The following PPP2R2C variants were observed in gnomAD, a reference collection of about 807,000 sequenced individuals.
The protein encoded by PPP2R2C is protein phosphatase 2 regulatory subunit Bgamma.
In PPP2R2C, 10 loss-of-function variants were observed where a neutral mutation model predicts 45.3. The ratio of observed to expected loss-of-function variants is 0.22; its 90% CI spans 0.14 to 0.37. The LOEUF (loss-of-function observed/expected upper bound fraction) is 0.37, where lower values mean the gene tolerates loss of function less well. Among genes scored for constraint, PPP2R2C ranks in the 10% least tolerant of loss-of-function variants. The probability of loss-of-function intolerance (pLI) is 1.00; values close to 1 mark genes in which losing one functional copy is unlikely to be tolerated. For synonymous variants in PPP2R2C, 257 were observed against 245.4 expected (o/e 1.05, Z -0.44); for missense variants, 308 against 619.7 (o/e 0.50, Z 5.34).
rs143193159 is a variant in PPP2R2C, at chr4:6,350,924, C to T, written c.626-2914G>A. The T allele has an allele frequency of 5.5e-5, 54 of 985,332 alleles. 1 individual carries two copies. The Middle Eastern group carries it at 5.2e-3, about 95-fold the overall frequency. The allele number at this position is 985,332 out of a possible 1,614,324, so 61.0% of individuals were successfully genotyped here. Reference sequence around the variant, plus strand: ...TGGAGACCTTCAGGTTGTTTGCTACCACTGCAAAACGTGAGCCCCCTGACA... The same window carrying T: ...TGGAGACCTTCAGGTTGTTTGCTACTACTGCAAAACGTGAGCCCCCTGACA... On this transcript the variant is annotated intron_variant, in intron 5 of 8. Coordinates refer to ENST00000382599, the MANE Select transcript of PPP2R2C (RefSeq NM_020416.4).
chr4:6,359,263 C>T (rs1713513427), intron 5 of PPP2R2C, among the ~76,000 whole-genome samples: 1 of 152,208 alleles, frequency 6.6e-6, no homozygotes, highest in African/African-American at 2.4e-5. Context: ...TCAAACTCCA[C>T]ATGTTCTCAC....
intron 8 of PPP2R2C, 91 bp from the exon 9 acceptor site, chr4:6,323,684 C>T (rs1731712309): frequency 3.7e-6 from 5 of 1,338,212 alleles, no homozygotes; most frequent in Non-Finnish European, 4.9e-6. Flanking sequence ...GCCCATAATC[C>T]CAGGACTTTG....
intron 1 of PPP2R2C, among the ~76,000 whole-genome samples, chr4:6,391,181 G>A (rs1237310844): frequency 1.3e-5 from 2 of 152,096 alleles, no homozygotes; most frequent in African/African-American, 4.8e-5. Flanking sequence ...TGCCTGTCAG[G>A]GCTCTGCCGC....
chr4:6,436,815 T>C (rs1395264751), intron 1 of PPP2R2C, among the ~76,000 whole-genome samples: 1 of 152,206 alleles, frequency 6.6e-6, no homozygotes, highest in South Asian at 2.1e-4. Context: ...ATTTAAACTT[T>C]ATTCACAAAA....
chr4:6,433,161 T>C (rs1309871002), intron 1 of PPP2R2C, among the ~76,000 whole-genome samples: 1 of 152,136 alleles, frequency 6.6e-6, no homozygotes, highest in East Asian at 1.9e-4. Context: ...TCAAAAGTTG[T>C]ATGTGGGTTT....
chr4:6,534,534 TAC>T (rs940162611), intron 2 of PPP2R2C, among the ~76,000 whole-genome samples: 2 of 148,402 alleles, frequency 1.3e-5, no homozygotes, highest in Admixed American at 6.6e-5. Context: ...AACACATCAA[TAC>T]ACACACCCCA....
intron 1 of PPP2R2C, chr4:6,382,115 T>A: frequency 1.5e-6 from 2 of 1,295,536 alleles, no homozygotes; most frequent in Non-Finnish European, 2.0e-6. Context: ...TTGAAGTCAT[T>A]CTTAATATTT....
intron 2 of PPP2R2C, among the ~76,000 whole-genome samples, chr4:6,528,180 C>A (rs772768275): frequency 7.9e-5 from 12 of 152,256 alleles, no homozygotes. Context: ...AGTCCTCGGC[C>A]CCTGCCCGGG....
intron 1 of PPP2R2C, among the ~76,000 whole-genome samples, chr4:6,400,232 A>G (rs997124587): frequency 6.6e-6 from 1 of 152,296 alleles, no homozygotes; most frequent in South Asian, 2.1e-4. Context: ...ATGTATCACA[A>G]CAGACTGAAT....
At chr4:6,483,906 A>C (rs1722450981) in intron 2 of PPP2R2C, among the ~76,000 whole-genome samples, 1 of 152,070 alleles carries the variant, frequency 6.6e-6, no homozygotes, top group Admixed American at 6.5e-5. Flanking sequence ...GGGATTGGTA[A>C]ACTACAGCTT....
chr4:6,405,056 G>A (rs921301794), intron 1 of PPP2R2C, among the ~76,000 whole-genome samples: 3 of 152,192 alleles, frequency 2.0e-5, no homozygotes, highest in South Asian at 2.1e-4. Flanking sequence ...GAAGTGTGTC[G>A]GGCACAAAAT....
At chr4:6,415,940 C>T (rs1718549742) in intron 1 of PPP2R2C, among the ~76,000 whole-genome samples, 1 of 152,224 alleles carries the variant, frequency 6.6e-6, no homozygotes, top group Non-Finnish European at 1.5e-5. Context: ...ACTGGTCCAA[C>T]TCTGCCAGCT....
chr4:6,430,927 A>G (rs1719580056), intron 1 of PPP2R2C, among the ~76,000 whole-genome samples: 2 of 57,960 alleles, frequency 3.5e-5, no homozygotes, highest in South Asian at 2.0e-3. Context: ...TCTGTCTCAA[A>G]AAAACAACAA....
In PPP2R2C at chr4:6,548,483, G is replaced by A. The variant is rs139811894; in HGVS notation, c.-58-13106C>T. On this transcript the variant is annotated intron_variant, in intron 1 of 9. Transcript: ENST00000506140. ...CGTGACATCTGTGGATGCAAAGACA[G>A]CACAGCGACTCCTGAAAACAGCCCT... Among the ~76,000 whole-genome samples the A allele has an allele frequency of 4.1e-3, 626 of 152,328 alleles. 6 individuals carry two copies. The highest frequency in any genetic ancestry group is 0.014 in the African/African-American group (593 of 41,562).
intron 1 of PPP2R2C, chr4:6,384,651 G>A (rs1468225029): frequency 3.3e-5 from 33 of 985,302 alleles, no homozygotes; most frequent in Non-Finnish European, 3.7e-5. Context: ...GCTATCCCAA[G>A]TAAATGCAGT....
At chr4:6,392,708 G>T (rs1158621712) in intron 1 of PPP2R2C, among the ~76,000 whole-genome samples, 1 of 152,190 alleles carries the variant, frequency 6.6e-6, no homozygotes, top group African/African-American at 2.4e-5. Context: ...GCCGGGAGAG[G>T]CCTGAGCATT....
chr4:6,544,496 C>G (rs890514876), intron 1 of PPP2R2C, among the ~76,000 whole-genome samples: 1 of 152,088 alleles, frequency 6.6e-6, no homozygotes, highest in East Asian at 1.9e-4. Flanking sequence ...GTGTGGGCCA[C>G]CATGCCCAGC....
chr4:6,325,254 C>T (rs775090870), intron 8 of PPP2R2C, among the ~76,000 whole-genome samples: 1 of 152,184 alleles, frequency 6.6e-6, no homozygotes, highest in Non-Finnish European at 1.5e-5. Context: ...CTGAACACCC[C>T]GCACAGTGCT....
chr4:6,373,063 A>G (rs1033382254), intron 4 of PPP2R2C, among the ~76,000 whole-genome samples: 3 of 152,252 alleles, frequency 2.0e-5, no homozygotes, highest in Admixed American at 2.0e-4. Flanking sequence ...ACAGCTGTCT[A>G]CATGTGGACT....
Sources: allele counts gnomAD v4.1 joint callset (sites outside exome capture counted in the v4.1 genomes callset), GRCh38; gene constraint gnomAD v4.1.1; transcripts MANE v1.5; gene names NCBI Gene and HGNC (gene_info 2026-07-23, HGNC 2026-07-21).